The following KCNIP4 variants were observed in gnomAD, a reference collection of about 807,000 sequenced individuals.
KCNIP4 encodes potassium voltage-gated channel interacting protein 4.
A neutral mutation model predicts 34.0 loss-of-function variants in KCNIP4; 12 were observed. That is an observed-to-expected ratio of 0.35 (90% CI 0.23 to 0.57). The LOEUF is 0.57. KCNIP4 is among the 20% of genes least tolerant of loss of function. The pLI, the probability that KCNIP4 is intolerant of heterozygous loss-of-function variation, is 0.83. For synonymous variants in KCNIP4, 124 were observed against 102.2 expected, an observed-to-expected ratio of 1.21 and a Z score of -1.29; for missense variants, 238 against 311.7, an observed-to-expected ratio of 0.76 and a Z score of 1.78.
intron 1 of KCNIP4, among the ~76,000 whole-genome samples, chr4:20,964,789 T>G (rs1025335512): frequency 1.3e-5 from 2 of 152,162 alleles, no homozygotes; most frequent in African/African-American, 4.8e-5. Context: ...CTAGAGCTAA[T>G]ATGGAGTAAT....
chr4:21,112,049 C>CTATCTATCTATCTATCTATCTATA (rs1553940040), intron 1 of KCNIP4, among the ~76,000 whole-genome samples: 6,882 of 151,760 alleles, frequency 0.045, 193 homozygotes, highest in African/African-American at 0.072. Flanking sequence ...ATCTATCTAT[C>CTATCTATCTATCTATCTATCTATA]TATCTATCTA....
At chr4:20,744,728 T>G (rs1015971286) in intron 5 of KCNIP4, among the ~76,000 whole-genome samples, 1 of 152,006 alleles carries the variant, frequency 6.6e-6, no homozygotes, top group African/African-American at 2.4e-5. Context: ...GTAACAAACC[T>G]GCACATTTTG....
At chr4:21,542,423 AGC>A (rs1737784430) in intron 1 of KCNIP4, among the ~76,000 whole-genome samples, 1 of 152,206 alleles carries the variant, frequency 6.6e-6, no homozygotes. Flanking sequence ...AATATTCAAA[AGC>A]TTGAGAAAGC....
chr4:21,120,178 G>A (rs1274086888), intron 1 of KCNIP4, among the ~76,000 whole-genome samples: 1 of 149,068 alleles, frequency 6.7e-6, no homozygotes, highest in Non-Finnish European at 1.5e-5. Context: ...ATTCATAAGA[G>A]CCTAAAGTCC....
intron 1 of KCNIP4, among the ~76,000 whole-genome samples, chr4:20,975,939 A>G (rs1450428057): frequency 2.0e-5 from 3 of 152,188 alleles, no homozygotes. Flanking sequence ...ACATGGCCAC[A>G]CCTATCTGTT....
rs541014295 is a variant in KCNIP4, at chr4:21,759,503, T to C, written c.61+189068A>G. Reference sequence around the variant, plus strand: ...AGAAATCTTTGTAGTCAAAGAATCCTAGAACCTAAGAACAGTAATCATGCT... The same window carrying C: ...AGAAATCTTTGTAGTCAAAGAATCCCAGAACCTAAGAACAGTAATCATGCT... On this transcript the variant is annotated intron_variant, in intron 1 of 8. Transcript: ENST00000382152. Among the ~76,000 whole-genome samples the C allele has an allele frequency of 3.9e-5, 6 of 152,290 alleles. No individual in the cohort carries two copies. In the South Asian group the frequency reaches 1.2e-3, roughly 32 times the overall value.
In KCNIP4 at chr4:21,933,170, T is replaced by A. The variant is rs541101632; in HGVS notation, c.61+15401A>T. 1.1e-4 allele frequency among the ~76,000 whole-genome samples: 16 copies of A among 152,206 alleles called. No homozygotes were observed. The East Asian group carries it at 2.9e-3, about 28-fold the overall frequency. ...GTTTGCTGATTATAGAAATATTGTC[T>A]TCTGTTTTTTGCTGGGTGCAGGGAC... On this transcript the variant is annotated intron_variant, in intron 1 of 8. Transcript: ENST00000382152.
chr4:21,273,494 AATG>A (rs1762271522), intron 1 of KCNIP4, among the ~76,000 whole-genome samples: 1 of 152,142 alleles, frequency 6.6e-6, no homozygotes, highest in African/African-American at 2.4e-5. Context: ...GACAGTGAGA[AATG>A]ATGACTAGTA....
intron 1 of KCNIP4, among the ~76,000 whole-genome samples, chr4:20,975,598 C>T (rs1211612408): frequency 1.3e-5 from 2 of 152,180 alleles, no homozygotes; most frequent in Non-Finnish European, 2.9e-5. Flanking sequence ...GTTTGGCAGA[C>T]AATTCCACCA....
chr4:21,073,896 A>T (rs1004016492), intron 1 of KCNIP4, among the ~76,000 whole-genome samples: 1 of 152,130 alleles, frequency 6.6e-6, no homozygotes, highest in African/African-American at 2.4e-5. Context: ...TGAGATAATC[A>T]TGTGGTTTTT....
intron 1 of KCNIP4, chr4:21,657,011 T>C (rs191602139): frequency 6.6e-6 from 1 of 152,224 alleles, no homozygotes; most frequent in Non-Finnish European, 1.5e-5. Flanking sequence ...ACTAATTAAC[T>C]GCTCACATCA....
chr4:21,178,820 T>G (rs1754631468), intron 1 of KCNIP4, among the ~76,000 whole-genome samples: 1 of 104,962 alleles, frequency 9.5e-6, no homozygotes, highest in Admixed American at 9.0e-5. Context: ...CCAAACTTTT[T>G]TTTTTTTTTT....
chr4:21,915,387 C>T (rs2108988290), intron 1 of KCNIP4, among the ~76,000 whole-genome samples: 1 of 152,278 alleles, frequency 6.6e-6, no homozygotes, highest in East Asian at 1.9e-4. Context: ...TTGCAAGATC[C>T]TTTGTCTACA....
At chr4:20,861,658 A>G (rs1408354664) in intron 2 of KCNIP4, among the ~76,000 whole-genome samples, 2 of 152,164 alleles carry the variant, frequency 1.3e-5, no homozygotes, top group Admixed American at 6.5e-5. Context: ...GAAAATGGCC[A>G]TTTAGTTTGA....
intron 1 of KCNIP4, chr4:21,852,026 G>C (rs2109337554): frequency 8.1e-6 from 1 of 123,106 alleles, no homozygotes; most frequent in East Asian, 2.5e-4. Context: ...GTGTGTGTGT[G>C]TGTGTGTGTT....
chr4:21,497,237 T>C (rs1006234640), intron 1 of KCNIP4, among the ~76,000 whole-genome samples: 2 of 152,126 alleles, frequency 1.3e-5, no homozygotes, highest in Admixed American at 1.3e-4. Context: ...TTCACATGAT[T>C]GCCAGGAAGA....
At chr4:21,702,761 T>C (rs952496101) in intron 1 of KCNIP4, among the ~76,000 whole-genome samples, 5 of 152,042 alleles carry the variant, frequency 3.3e-5, no homozygotes, top group African/African-American at 9.7e-5. Context: ...GAGTACAGTA[T>C]TGGCATGACA....
chr4:21,641,203 A>C (rs1364723958), intron 1 of KCNIP4, among the ~76,000 whole-genome samples: 1 of 152,188 alleles, frequency 6.6e-6, no homozygotes, highest in African/African-American at 2.4e-5. Flanking sequence ...ATGTGTCCCA[A>C]ATGCCCATGG....
intron 1 of KCNIP4, among the ~76,000 whole-genome samples, chr4:21,523,653 C>A (rs551772772): frequency 6.6e-6 from 1 of 152,150 alleles, no homozygotes; most frequent in South Asian, 2.1e-4. Context: ...CCCACTGACA[C>A]CTCAAACTCT....
Sources: allele counts gnomAD v4.1 joint callset (sites outside exome capture counted in the v4.1 genomes callset), GRCh38; gene constraint gnomAD v4.1.1; transcripts MANE v1.5; gene names NCBI Gene and HGNC (gene_info 2026-07-23, HGNC 2026-07-21).